Variants in INTU observed in about 807,000 individuals in gnomAD.
The protein encoded by INTU is protein inturned.
In INTU, 68 loss-of-function variants were observed where a neutral mutation model predicts 100.5. That is an observed-to-expected ratio of 0.68 (90% CI 0.56 to 0.83). The LOEUF (loss-of-function observed/expected upper bound fraction) is 0.83, where lower values mean the gene tolerates loss of function less well. INTU is among the 40% of genes least tolerant of loss of function. The probability of loss-of-function intolerance (pLI) is 0.00; values close to 1 mark genes in which losing one functional copy is unlikely to be tolerated. For missense variants in INTU, 1,071 were observed against 1,114.7 expected, an observed-to-expected ratio of 0.96 and a Z score of 0.56; for synonymous variants, 357 against 395.7, an observed-to-expected ratio of 0.90 and a Z score of 1.16.
chr4:127,720,306 C>T lies in INTU; in HGVS notation c.*3870C>T, dbSNP rs1337641086. The T allele has an allele frequency of 2.0e-5, 3 of 152,098 alleles. No homozygotes were observed. The highest frequency in any genetic ancestry group is 4.4e-5 in the Non-Finnish European group (3 of 67,988). 9.4% of individuals were successfully genotyped at this position (152,098 alleles called of 1,614,324 possible). ...TTTGTGGTTTTGAGTGACTTTCTTA[C>T]TCTTGAGTTCCAATTTGATTGCGCT... is the stretch of plus-strand genomic sequence containing the variant. On this transcript the variant is annotated 3_prime_UTR_variant, in exon 16 of 16. Transcript: ENST00000335251.
intron 8 of INTU, among the ~76,000 whole-genome samples, chr4:127,696,890 G>A (rs1730416669): frequency 6.6e-6 from 1 of 151,748 alleles, no homozygotes; most frequent in South Asian, 2.1e-4. Flanking sequence ...CATTTTTTTA[G>A]TTCAAAATAT....
At chr4:127,642,693 T>C (rs952784905) in intron 1 of INTU, among the ~76,000 whole-genome samples, 1 of 152,170 alleles carries the variant, frequency 6.6e-6, no homozygotes, top group African/African-American at 2.4e-5. Flanking sequence ...TTCATAACAT[T>C]GAACAGGGTA....
chr4:127,656,620 G>T lies in INTU; in HGVS notation c.683-16G>T, dbSNP rs56223823. 2.0e-5 allele frequency: 31 copies of T among 1,578,860 alleles called. 1 individual carries two copies. Among genetic ancestry groups the T allele is most frequent in the Middle Eastern group, 1.7e-4 (1 of 5,982 alleles). The stretch of plus-strand genomic sequence containing the variant: ...GATATTCATAAAACTATCTTTTATT[G>T]TTATTCTGGTTTCAGGTGATGTCCT... On this transcript the variant is annotated splice_polypyrimidine_tract_variant and intron_variant, in intron 2 of 15. Transcript: ENST00000335251.
At chr4:127,640,529 T>C (rs1727264253) in intron 1 of INTU, among the ~76,000 whole-genome samples, 1 of 122,102 alleles carries the variant, frequency 8.2e-6, no homozygotes, top group African/African-American at 3.2e-5. Context: ...GTATAGTCTT[T>C]TGGGTAAAGA....
chr4:127,644,400 G>T (rs775861800), intron 2 of INTU, among the ~76,000 whole-genome samples: 14 of 152,092 alleles, frequency 9.2e-5, no homozygotes, highest in Non-Finnish European at 1.6e-4. Flanking sequence ...GGTTTGAATG[G>T]CTATATCCAG....
At chr4:127,674,029 T>C in intron 5 of INTU, 95 bp from the exon 6 acceptor site, 1 of 737,400 alleles carries the variant, frequency 1.4e-6, no homozygotes, top group Non-Finnish European at 2.1e-6. Context: ...ATGTAGTTCT[T>C]AAATCATACC....
At chr4:127,698,009 A>G (rs1730470408) in intron 8 of INTU, among the ~76,000 whole-genome samples, 1 of 152,202 alleles carries the variant, frequency 6.6e-6, no homozygotes, top group South Asian at 2.1e-4. Context: ...AATCCCAGCT[A>G]TTTGGGAAGC....
In INTU at chr4:127,682,759, A is replaced by G. The variant is rs1279053389; in HGVS notation, c.1182-1650A>G. Among the ~76,000 whole-genome samples the G allele has an allele frequency of 2.0e-5, 3 of 152,034 alleles. 1 individual carries two copies. In the South Asian group the frequency reaches 6.2e-4, roughly 31 times the overall value. On this transcript the variant is annotated intron_variant, in intron 6 of 15. Transcript: ENST00000335251. ...TTAAAAGTATAATAATAATAAAATA[A>G]AAAATAAAAATAAATAAAAGAAAAG...
intron 8 of INTU, among the ~76,000 whole-genome samples, chr4:127,696,285 T>C (rs1000862667): frequency 1.3e-5 from 2 of 152,196 alleles, no homozygotes; most frequent in Non-Finnish European, 2.9e-5. Context: ...AATTTCTTAC[T>C]TAAATGTTTG....
intron 9 of INTU, among the ~76,000 whole-genome samples, chr4:127,700,686 G>T (rs1730609046): frequency 6.6e-6 from 1 of 152,006 alleles, no homozygotes; most frequent in African/African-American, 2.4e-5. Flanking sequence ...ACTTGAAGAG[G>T]CTCCCTGTTG....
chr4:127,633,216 C>G, intron 1 of INTU, 36 bp downstream of exon 1: 1 of 1,600,904 alleles, frequency 6.2e-7, no homozygotes. Flanking sequence ...AATCCCATCC[C>G]ATCAATCCAG....
At position 127,719,215 on chromosome 4, in the gene INTU, T is replaced by A. The variant is rs185511922; in HGVS notation, c.*2779T>A. On this transcript the variant is annotated 3_prime_UTR_variant, in exon 16 of 16. Coordinates refer to ENST00000335251, the MANE Select transcript of INTU (RefSeq NM_015693.4). ...AAAGGATGTTGAATTTTATTGAAGG[T>A]GTTTTCTGCATCTATTGAGTTAATC... 5.3e-5 allele frequency: 8 copies of A among 152,106 alleles called. No individual in the cohort carries two copies. 9.4% of individuals were successfully genotyped at this position (152,106 alleles called of 1,614,324 possible).
intron 2 of INTU, among the ~76,000 whole-genome samples, chr4:127,644,308 A>G (rs113755186): frequency 6.6e-6 from 1 of 152,216 alleles, no homozygotes; most frequent in African/African-American, 2.4e-5. Flanking sequence ...CTAATTTTCA[A>G]GTTTTGAATT....
chr4:127,684,351 T>C, intron 6 of INTU, 58 bp from the exon 7 acceptor site: 1 of 933,022 alleles, frequency 1.1e-6, no homozygotes, highest in Non-Finnish European at 1.7e-6. Context: ...TCTACTTCTT[T>C]TAGATAAATG....
rs1242042014 is a variant in INTU at position 127,724,125 on chromosome 4, ATACTAATTT to A, written c.*7691_*7699del. ...ATTCTATGGTGACTTCTTTTATAAA[ATACTAATTT>A]TTGGCCGGGCACGGTGGTGGCTCAC... On this transcript the variant is annotated 3_prime_UTR_variant, in exon 16 of 16. Transcript: ENST00000335251. The A allele has an allele frequency of 6.6e-6, 1 of 151,902 alleles. No individual in the cohort carries two copies. The highest frequency in any genetic ancestry group is 6.6e-5 in the Admixed American group (1 of 15,252). The allele number at this position is 151,902 out of a possible 1,614,324, so 9.4% of individuals were successfully genotyped here.
intron 2 of INTU, among the ~76,000 whole-genome samples, chr4:127,650,907 G>T (rs55661321): frequency 0.027 from 4,145 of 152,244 alleles, 85 homozygotes; most frequent in Middle Eastern, 0.054. Context: ...TTTAATGATT[G>T]CCATTCTAAC....
At position 127,706,912 on chromosome 4, in the gene INTU, G is replaced by T. The variant is rs751688448; in HGVS notation, c.2214G>T (p.Arg738=). ...FSPHTTPDAV[R]KQRESQGSDG... is the part of the protein sequence containing the mutation. Reference sequence around the variant, plus strand: ...CCCATACTACACCGGATGCAGTACGGAAGCAAAGAGAATCTCAGGGCTCTG... The same window carrying T: ...CCCATACTACACCGGATGCAGTACGTAAGCAAAGAGAATCTCAGGGCTCTG... Residue 738 remains arginine (R), a synonymous_variant, in exon 12 of 16, where the codon CGG becomes CGT. Coordinates refer to ENST00000335251, the MANE Select transcript of INTU (RefSeq NM_015693.4). The T allele has an allele frequency of 2.5e-6, 4 of 1,614,082 alleles. No homozygotes were observed. The South Asian group carries it at 3.3e-5, about 13-fold the overall frequency.
rs2148744260 is a variant in INTU at position 127,720,349 on chromosome 4, T to C, written c.*3913T>C. ...ATTGCGCTGTGATCTGAGAGACTGT[T>C]TGTTATTACTTCAGTTCTTTAGCAT... On this transcript the variant is annotated 3_prime_UTR_variant, in exon 16 of 16. Transcript: ENST00000335251. 1 of 152,348 alleles carries C rather than the reference T, an allele frequency of 6.6e-6. No individual in the cohort carries two copies. Among genetic ancestry groups the C allele is most frequent in the African/African-American group, 2.4e-5 (1 of 41,582 alleles). The allele number at this position is 152,348 out of a possible 1,614,324, so 9.4% of individuals were successfully genotyped here.
rs1728040259 is a variant in INTU at position 127,653,908 on chromosome 4, G to A, written c.683-2728G>A. Reference sequence around the variant, plus strand: ...TTGCTTTATGAATCTGGGTGCTCCCGTGTTGGGTGCATATATATTTAGGAT... The same window carrying A: ...TTGCTTTATGAATCTGGGTGCTCCCATGTTGGGTGCATATATATTTAGGAT... On this transcript the variant is annotated intron_variant, in intron 2 of 15. Coordinates refer to ENST00000335251, the MANE Select transcript of INTU (RefSeq NM_015693.4). Among the ~76,000 whole-genome samples, 5 of 151,916 alleles carry A rather than the reference G, an allele frequency of 3.3e-5. No individual in the cohort carries two copies. The South Asian group carries it at 8.3e-4, about 25-fold the overall frequency.
Sources: allele counts gnomAD v4.1 joint callset (sites outside exome capture counted in the v4.1 genomes callset), GRCh38; gene constraint gnomAD v4.1.1; transcripts MANE v1.5; gene names NCBI Gene and HGNC (gene_info 2026-07-23, HGNC 2026-07-21).